The following PAH variants were observed in gnomAD, a reference collection of about 807,000 sequenced individuals.
PAH encodes phenylalanine hydroxylase.
PAH carries 64 observed loss-of-function variants against 62.0 expected under a neutral mutation model. The ratio of observed to expected loss-of-function variants is 1.03; its 90% confidence interval spans 0.84 to 1.27. The LOEUF (loss-of-function observed/expected upper bound fraction) is 1.27. PAH is among the 50% of genes most tolerant of loss of function. The pLI, the probability that PAH is intolerant of heterozygous loss-of-function variation, is 0.00. For synonymous variants in PAH, 195 were observed against 196.2 expected (o/e 0.99, Z 0.05); for missense variants, 579 against 542.8 (o/e 1.07, Z -0.66).
chr12:102,864,678 C>T (rs1298352874), intron 5 of PAH, among the ~76,000 whole-genome samples: 1 of 151,920 alleles, frequency 6.6e-6, no homozygotes, highest in Non-Finnish European at 1.5e-5. Context: ...ATATACACCT[C>T]AGTAGAATCA....
intron 4 of PAH, among the ~76,000 whole-genome samples, chr12:102,868,670 A>T (rs924205634): frequency 3.3e-5 from 5 of 152,154 alleles, no homozygotes; most frequent in African/African-American, 1.2e-4. Flanking sequence ...GGTTAAAAAA[A>T]AAAAATAAAA....
intron 7 of PAH, chr12:102,852,186 C>T (rs1875181033): frequency 9.3e-6 from 2 of 215,196 alleles, no homozygotes; most frequent in Non-Finnish European, 1.9e-5. Flanking sequence ...CAGTGCTGCT[C>T]TTCTGTTAGT....
At chr12:102,902,737 A>G (rs1365965650) in intron 2 of PAH, among the ~76,000 whole-genome samples, 1 of 152,192 alleles carries the variant, frequency 6.6e-6, no homozygotes, top group Non-Finnish European at 1.5e-5. Context: ...CTGGAGGAGG[A>G]GATCTTGGAG....
At chr12:102,944,777 A>G (rs914030642) in intron 1 of PAH, among the ~76,000 whole-genome samples, 1 of 151,986 alleles carries the variant, frequency 6.6e-6, no homozygotes, top group Non-Finnish European at 1.5e-5. Context: ...TCATTTGGTG[A>G]GGTCGTGTTT....
exon 1 of PAH, chr12:102,958,283 CCAGCAGCCCCAG>C: frequency 6.8e-7 from 1 of 1,476,040 alleles, no homozygotes; most frequent in Non-Finnish European, 8.9e-7. Flanking sequence ...GCGGCGCCGG[CCAGCAGCCCCAG>C]CCGCAGCCCC....
At chr12:102,858,661 T>A (rs1477685534) in intron 5 of PAH, among the ~76,000 whole-genome samples, 3 of 152,140 alleles carry the variant, frequency 2.0e-5, no homozygotes, top group Non-Finnish European at 4.4e-5. Flanking sequence ...AGCTCAGGAT[T>A]AAGAAACTCA....
chr12:102,941,463 GATCT>G (rs560939543), intron 1 of PAH, among the ~76,000 whole-genome samples: 13 of 152,142 alleles, frequency 8.5e-5, no homozygotes, highest in Non-Finnish European at 1.9e-4. Flanking sequence ...GATCGAGAAA[GATCT>G]ATCAAGCAAA....
chr12:102,842,211 A>T (rs939958823), intron 11 of PAH, among the ~76,000 whole-genome samples: 3 of 152,098 alleles, frequency 2.0e-5, no homozygotes, highest in Non-Finnish European at 4.4e-5. Flanking sequence ...GCTCATCAGC[A>T]CTGCCTCTAA....
intron 2 of PAH, among the ~76,000 whole-genome samples, chr12:102,905,066 T>C (rs1163502515): frequency 6.6e-6 from 1 of 152,136 alleles, no homozygotes; most frequent in Admixed American, 6.5e-5. Flanking sequence ...ATAAAACACG[T>C]GAAAGGGGTA....
chr12:102,850,056 C>A (rs1875078836), intron 8 of PAH, among the ~76,000 whole-genome samples: 1 of 152,224 alleles, frequency 6.6e-6, no homozygotes, highest in South Asian at 2.1e-4. Flanking sequence ...CGTAAACTAA[C>A]TTCTGGTGGT....
At chr12:102,942,998 T>C (rs1409261185) in intron 1 of PAH, among the ~76,000 whole-genome samples, 1 of 152,044 alleles carries the variant, frequency 6.6e-6, no homozygotes, top group African/African-American at 2.4e-5. Context: ...AATACCATTC[T>C]GGACATCAGC....
intron 4 of PAH, among the ~76,000 whole-genome samples, chr12:102,874,680 G>A (rs940622993): frequency 2.0e-5 from 3 of 152,208 alleles, no homozygotes; most frequent in African/African-American, 7.2e-5. Context: ...GGTGGGAAAG[G>A]GGAAAGGAAA....
intron 3 of PAH, among the ~76,000 whole-genome samples, chr12:102,879,076 C>T (rs1364138605): frequency 6.6e-6 from 1 of 152,034 alleles, no homozygotes; most frequent in Non-Finnish European, 1.5e-5. Context: ...GCTTAGAATC[C>T]GGGTTCCATC....
chr12:102,922,841 A>G (rs1878591154), intron 1 of PAH, among the ~76,000 whole-genome samples: 1 of 152,216 alleles, frequency 6.6e-6, no homozygotes, highest in Non-Finnish European at 1.5e-5. Context: ...GGATGACCAT[A>G]TAATTTATTA....
At chr12:102,856,316 G>C (rs558476557) in intron 5 of PAH, among the ~76,000 whole-genome samples, 1 of 152,080 alleles carries the variant, frequency 6.6e-6, no homozygotes, top group African/African-American at 2.4e-5. Flanking sequence ...TTTAAAAGTC[G>C]TTAGTTTTAA....
chr12:102,934,629 G>C lies in PAH; in HGVS notation c.-96+15960C>G, dbSNP rs527436341. Among the ~76,000 whole-genome samples, 23 of 152,038 alleles carry C rather than the reference G, an allele frequency of 1.5e-4. No homozygotes were observed. In the South Asian group the frequency reaches 4.6e-3, roughly 30 times the overall value. On this transcript the variant is annotated intron_variant, in intron 1 of 3. Coordinates refer to the PAH transcript ENST00000546844. The stretch of plus-strand genomic sequence containing the variant: ...AATGTCTTATAGTTTTCATTGTAGA[G>C]ACCTTTCACTTCTTAGGTTAACTCC...
At chr12:102,844,883 G>A (rs960675001) in intron 9 of PAH, among the ~76,000 whole-genome samples, 7 of 152,048 alleles carry the variant, frequency 4.6e-5, no homozygotes, top group Non-Finnish European at 4.4e-5. Flanking sequence ...ACTAATCTAC[G>A]CCACTGACTT....
At chr12:102,854,329 C>T (rs111555110) in intron 6 of PAH, among the ~76,000 whole-genome samples, 5,375 of 152,284 alleles carry the variant, frequency 0.035, 145 homozygotes, top group Non-Finnish European at 0.047. Context: ...TGTAGTCTGT[C>T]TCCCCACTTC....
rs1879142689 is a variant in PAH, at chr12:102,937,528, AAAGAG to A, written c.-96+13056_-96+13060del. Among the ~76,000 whole-genome samples, 5 of 152,204 alleles carry A rather than the reference AAAGAG, an allele frequency of 3.3e-5. No homozygotes were observed. In the South Asian group the frequency reaches 8.3e-4, roughly 25 times the overall value. ...ACGCTGATTGCATAAACAAACAAGC[AAAGAG>A]AAAACTAATTTTAAAACTCTACACT... On this transcript the variant is annotated intron_variant, in intron 1 of 3. Coordinates refer to the PAH transcript ENST00000546844.
Sources: gnomAD v4.1 joint callset for allele counts (sites outside exome capture counted in the v4.1 genomes callset) on GRCh38, gnomAD v4.1.1 for gene constraint, MANE v1.5 for transcripts, NCBI Gene and HGNC (gene_info 2026-07-23, HGNC 2026-07-21) for gene names.